The following RBFOX1 variants were observed in gnomAD, a reference collection of about 807,000 sequenced individuals.
RBFOX1 encodes RNA binding protein fox-1 homolog 1.
In RBFOX1, 8 loss-of-function variants were observed where a neutral mutation model predicts 57.7. The observed-to-expected ratio is 0.14, with a 90% CI of 0.08 to 0.25. The LOEUF (loss-of-function observed/expected upper bound fraction) is 0.25, where lower values mean the gene tolerates loss of function less well. Among genes scored for constraint, RBFOX1 ranks in the 10% least tolerant of loss-of-function variants. The pLI is 1.00. For synonymous variants in RBFOX1, 326 were observed against 222.4 expected (o/e 1.47, Z -4.15); for missense variants, 611 against 548.5 (o/e 1.11, Z -1.14).
chr16:7,246,521 C>G (rs967845289), intron 4 of RBFOX1, among the ~76,000 whole-genome samples: 6 of 152,130 alleles, frequency 3.9e-5, no homozygotes, highest in African/African-American at 9.7e-5. Flanking sequence ...TCCCTTATAA[C>G]TGTACCAAAC....
chr16:6,110,391 A>G (rs1019923075), intron 1 of RBFOX1, among the ~76,000 whole-genome samples: 2 of 152,152 alleles, frequency 1.3e-5, no homozygotes, highest in Admixed American at 6.6e-5. Flanking sequence ...AAATAAAATA[A>G]AAGATTGCCT....
chr16:6,106,698 C>G (rs1031688335), intron 1 of RBFOX1, among the ~76,000 whole-genome samples: 1 of 152,040 alleles, frequency 6.6e-6, no homozygotes, highest in Admixed American at 6.5e-5. Context: ...GACGGAGTGT[C>G]GCTCTGTTGC....
chr16:5,834,428 T>A (rs781388444), intron 3 of RBFOX1, among the ~76,000 whole-genome samples: 8 of 152,218 alleles, frequency 5.3e-5, no homozygotes, highest in Non-Finnish European at 1.2e-4. Context: ...CAAAAGATAG[T>A]ATTTTGTTCT....
At chr16:6,378,349 G>C (rs976038952) in intron 2 of RBFOX1, among the ~76,000 whole-genome samples, 1 of 152,218 alleles carries the variant, frequency 6.6e-6, no homozygotes, top group African/African-American at 2.4e-5. Flanking sequence ...CAGACCCTGC[G>C]ATCCTGGTGC....
chr16:6,422,218 G>A (rs2093795092), intron 2 of RBFOX1, among the ~76,000 whole-genome samples: 2 of 150,460 alleles, frequency 1.3e-5, no homozygotes, highest in South Asian at 2.1e-4. Context: ...CACCACGCCC[G>A]ACCACCTCTC....
At chr16:5,827,305 C>G (rs1286821068) in intron 3 of RBFOX1, among the ~76,000 whole-genome samples, 1 of 148,222 alleles carries the variant, frequency 6.7e-6, no homozygotes, top group Non-Finnish European at 1.5e-5. Flanking sequence ...GAGGCTGAGG[C>G]AGGAAAATTG....
chr16:7,221,831 A>G (rs1227311512), intron 4 of RBFOX1, among the ~76,000 whole-genome samples: 1 of 152,232 alleles, frequency 6.6e-6, no homozygotes, highest in Non-Finnish European at 1.5e-5. Context: ...AGAGGCCTGA[A>G]AAGTTGATTT....
chr16:5,890,930 C>T (rs1330762861), intron 4 of RBFOX1, among the ~76,000 whole-genome samples: 2 of 152,108 alleles, frequency 1.3e-5, no homozygotes, highest in Non-Finnish European at 2.9e-5. Flanking sequence ...ATACATGGCT[C>T]CTTCAGTTGC....
At chr16:6,676,584 T>C (rs1438205251) in intron 3 of RBFOX1, among the ~76,000 whole-genome samples, 1 of 152,092 alleles carries the variant, frequency 6.6e-6, no homozygotes, top group Non-Finnish European at 1.5e-5. Context: ...TTCGTATTGA[T>C]AGGACCAGCT....
intron 4 of RBFOX1, among the ~76,000 whole-genome samples, chr16:7,498,331 G>C (rs984402688): frequency 6.6e-6 from 1 of 152,080 alleles, no homozygotes; most frequent in Non-Finnish European, 1.5e-5. Flanking sequence ...TAATGAACTA[G>C]CTAATGGTGT....
intron 3 of RBFOX1, among the ~76,000 whole-genome samples, chr16:7,043,609 G>A (rs931997206): frequency 6.6e-6 from 1 of 152,198 alleles, no homozygotes; most frequent in Non-Finnish European, 1.5e-5. Context: ...GTTCTATGCT[G>A]GTAAACTTGT....
intron 2 of RBFOX1, among the ~76,000 whole-genome samples, chr16:5,508,872 C>T (rs754121918): frequency 7.9e-5 from 12 of 152,180 alleles, no homozygotes; most frequent in Non-Finnish European, 1.6e-4. Flanking sequence ...CAAGTGGACC[C>T]GGAGGCTGTT....
At chr16:7,101,751 C>G (rs1383510243) in intron 4 of RBFOX1, among the ~76,000 whole-genome samples, 1 of 152,090 alleles carries the variant, frequency 6.6e-6, no homozygotes, top group East Asian at 1.9e-4. Flanking sequence ...AGGTTCTGCT[C>G]TGATGCCTGT....
chr16:6,800,973 T>A (rs2085299130), intron 3 of RBFOX1, among the ~76,000 whole-genome samples: 1 of 152,074 alleles, frequency 6.6e-6, no homozygotes, highest in Non-Finnish European at 1.5e-5. Context: ...GACAACAGTG[T>A]GGGAAATCAA....
chr16:5,821,246 C>T (rs2055843725), intron 3 of RBFOX1, among the ~76,000 whole-genome samples: 1 of 151,878 alleles, frequency 6.6e-6, no homozygotes, highest in Non-Finnish European at 1.5e-5. Flanking sequence ...GGCCACTTTC[C>T]ATCCCAGTTG....
intron 4 of RBFOX1, among the ~76,000 whole-genome samples, chr16:7,258,552 G>A (rs968720909): frequency 2.0e-5 from 3 of 152,034 alleles, no homozygotes; most frequent in Admixed American, 6.6e-5. Flanking sequence ...AAATATATCA[G>A]TACTGGCACA....
At chr16:7,696,579 G>A (rs1003647259) in intron 14 of RBFOX1, among the ~76,000 whole-genome samples, 1 of 150,086 alleles carries the variant, frequency 6.7e-6, no homozygotes, top group East Asian at 1.9e-4. Context: ...GTCCTTTGTG[G>A]GTGTCAGGAA....
chr16:5,434,525 T>A (rs756189951), intron 1 of RBFOX1, among the ~76,000 whole-genome samples: 61 of 151,862 alleles, frequency 4.0e-4, no homozygotes, highest in Non-Finnish European at 1.0e-4. Flanking sequence ...TTTCTCCATG[T>A]TAAGCTGGTC....
chr16:5,718,688 C>A (rs1193689764), intron 3 of RBFOX1, among the ~76,000 whole-genome samples: 1 of 152,208 alleles, frequency 6.6e-6, no homozygotes, highest in Non-Finnish European at 1.5e-5. Context: ...AGGTGGATCA[C>A]CTGAAGTCAG....
Sources: gnomAD v4.1 joint callset for allele counts (sites outside exome capture counted in the v4.1 genomes callset) on GRCh38, gnomAD v4.1.1 for gene constraint, MANE v1.5 for transcripts, NCBI Gene and HGNC (gene_info 2026-07-23, HGNC 2026-07-21) for gene names.